The following EYS variants were observed in gnomAD, a reference collection of about 807,000 sequenced individuals.
EYS encodes the protein EGF-like photoreceptor maintenance factor, also known as protein eyes shut homolog.
In EYS, 250 loss-of-function variants were observed where a neutral mutation model predicts 282.1. That is an observed-to-expected ratio of 0.89 (90% CI 0.80 to 0.98). EYS has a LOEUF of 0.98. Ranked by LOEUF, EYS falls within the 50% of genes least tolerant of loss-of-function variation. EYS has a pLI of 0.00. For synonymous variants in EYS, 1,355 were observed against 1,282.9 expected (o/e 1.06, Z -1.20); for missense variants, 4,016 against 3,709.0 (o/e 1.08, Z -2.15).
Position 63,859,111 on chromosome 6 carries a change from T to TTTTTTTTTTTTTTTTA in EYS, c.7228+5074_7228+5075insTAAAAAAAAAAAAAAA, listed in dbSNP as rs796999871. ...TTTTTTTTTTTTTTTTTTTTTTTTT[T>TTTTTTTTTTTTTTTTA]AATAGCTGGGATGGAGATGCAGCCT... On this transcript the variant is annotated intron_variant, in intron 36 of 42. Coordinates refer to ENST00000503581, the MANE Select transcript of EYS (RefSeq NM_001142800.2). Among the ~76,000 whole-genome samples the TTTTTTTTTTTTTTTTA allele has an allele frequency of 1.8e-4, 13 of 71,180 alleles. 4 individuals carry two copies. Among genetic ancestry groups the TTTTTTTTTTTTTTTTA allele is most frequent in the African/African-American group, 7.0e-4 (11 of 15,748 alleles). The allele number at this position is 71,180 out of a possible 152,430, so 46.7% of individuals were successfully genotyped here.
intron 14 of EYS, among the ~76,000 whole-genome samples, chr6:64,986,437 A>C (rs1405884421): frequency 6.6e-6 from 1 of 151,464 alleles, no homozygotes; most frequent in Non-Finnish European, 1.5e-5. Flanking sequence ...TCACAATTTT[A>C]ACTTGACTGC....
intron 28 of EYS, among the ~76,000 whole-genome samples, chr6:64,404,418 C>T (rs755808221): frequency 4.0e-5 from 6 of 150,442 alleles, no homozygotes; most frequent in East Asian, 2.0e-4. Context: ...TGTGTGCACG[C>T]ACGCGTGTGA....
chr6:65,062,569 A>C (rs1773610065), intron 12 of EYS, among the ~76,000 whole-genome samples: 1 of 151,950 alleles, frequency 6.6e-6, no homozygotes, highest in Non-Finnish European at 1.5e-5. Context: ...CAGTACTCCA[A>C]ACTCCTTACC....
intron 12 of EYS, among the ~76,000 whole-genome samples, chr6:65,158,360 C>G (rs114235512): frequency 0.014 from 2,123 of 150,768 alleles, 25 homozygotes; most frequent in Non-Finnish European, 0.021. Flanking sequence ...CAAAATAGGC[C>G]TAATAATTTA....
chr6:64,135,639 G>A (rs1774135561), intron 31 of EYS, among the ~76,000 whole-genome samples: 1 of 152,042 alleles, frequency 6.6e-6, no homozygotes, highest in East Asian at 1.9e-4. Flanking sequence ...TTCAATTCCA[G>A]ACCACTACAA....
chr6:64,669,961 G>A (rs866370620), intron 22 of EYS, among the ~76,000 whole-genome samples: 1 of 152,120 alleles, frequency 6.6e-6, no homozygotes, highest in Non-Finnish European at 1.5e-5. Context: ...AATTAACATA[G>A]AGAACTTTTA....
At chr6:65,654,985 A>G (rs1203510050) in intron 1 of EYS, among the ~76,000 whole-genome samples, 1 of 150,406 alleles carries the variant, frequency 6.6e-6, no homozygotes, top group Non-Finnish European at 1.5e-5. Context: ...CATTAAAAAA[A>G]AAAAAAAAAA....
intron 33 of EYS, among the ~76,000 whole-genome samples, chr6:63,999,469 A>G (rs998112238): frequency 2.7e-5 from 4 of 150,726 alleles, no homozygotes; most frequent in African/African-American, 9.7e-5. Context: ...CTTCATGTGT[A>G]TAAGTAGATA....
chr6:64,956,095 C>A (rs1583329079), intron 14 of EYS, among the ~76,000 whole-genome samples: 1 of 151,978 alleles, frequency 6.6e-6, no homozygotes, highest in South Asian at 2.1e-4. Context: ...AAAAAAAATT[C>A]CAAAATGTAT....
At chr6:63,973,027 AT>A (rs1359811204) in intron 35 of EYS, among the ~76,000 whole-genome samples, 12 of 152,036 alleles carry the variant, frequency 7.9e-5, no homozygotes, top group African/African-American at 2.9e-4. Context: ...TAGTAGCATG[AT>A]TTATAATCAT....
At chr6:64,986,242 T>C (rs1770855406) in intron 14 of EYS, among the ~76,000 whole-genome samples, 1 of 151,584 alleles carries the variant, frequency 6.6e-6, no homozygotes, top group Non-Finnish European at 1.5e-5. Flanking sequence ...AGGCTTATTA[T>C]TCAAAGAAAT....
intron 5 of EYS, among the ~76,000 whole-genome samples, chr6:65,426,545 T>C (rs965034210): frequency 6.6e-6 from 1 of 152,154 alleles, no homozygotes; most frequent in Non-Finnish European, 1.5e-5. Context: ...TCCTATATTC[T>C]TTGGAGCATG....
At chr6:63,825,679 T>G (rs537531260) in intron 36 of EYS, among the ~76,000 whole-genome samples, 2 of 152,158 alleles carry the variant, frequency 1.3e-5, no homozygotes, top group African/African-American at 4.8e-5. Flanking sequence ...GGAAGCCACA[T>G]CCACAGGATA....
intron 5 of EYS, among the ~76,000 whole-genome samples, chr6:65,448,416 C>A (rs752188837): frequency 2.6e-5 from 4 of 152,066 alleles, no homozygotes; most frequent in Non-Finnish European, 5.9e-5. Flanking sequence ...TGAAATCATT[C>A]TTAAAACTGT....
chr6:64,339,612 G>C (rs1739426), intron 29 of EYS, among the ~76,000 whole-genome samples: 1 of 151,674 alleles, frequency 6.6e-6, no homozygotes, highest in Admixed American at 6.6e-5. Context: ...CATTTGATCC[G>C]GCAATCCCAC....
intron 30 of EYS, among the ~76,000 whole-genome samples, chr6:64,281,627 C>G (rs1443635698): frequency 6.6e-6 from 1 of 152,088 alleles, no homozygotes. Flanking sequence ...AGGTGACTTT[C>G]AATGGCTGAA....
At chr6:64,890,609 T>G (rs1767261333) in intron 18 of EYS, among the ~76,000 whole-genome samples, 1 of 152,146 alleles carries the variant, frequency 6.6e-6, no homozygotes, top group Admixed American at 6.6e-5. Flanking sequence ...TCAAATGTAT[T>G]TACTCTAATT....
intron 2 of EYS, among the ~76,000 whole-genome samples, chr6:65,529,136 T>C (rs953213584): frequency 1.7e-4 from 26 of 151,752 alleles, no homozygotes; most frequent in Non-Finnish European, 3.5e-4. Context: ...GGCTTGCTAT[T>C]CTTAAAAAAA....
intron 31 of EYS, among the ~76,000 whole-genome samples, chr6:64,121,489 G>C (rs968995413): frequency 2.6e-5 from 4 of 152,198 alleles, no homozygotes; most frequent in African/African-American, 7.2e-5. Flanking sequence ...TAATTTAAAA[G>C]CTGGGACTCA....
Sources: allele counts gnomAD v4.1 joint callset (sites outside exome capture counted in the v4.1 genomes callset), GRCh38; gene constraint gnomAD v4.1.1; transcripts MANE v1.5; gene names NCBI Gene and HGNC (gene_info 2026-07-23, HGNC 2026-07-21).